POLR3C: variants seen among roughly 807,000 people sequenced by gnomAD.
POLR3C encodes RNA polymerase III subunit C.
Under a neutral mutation model 65.9 loss-of-function variants are expected in POLR3C, and 44 were observed. The ratio of observed to expected loss-of-function variants is 0.67; its 90% CI spans 0.52 to 0.86. POLR3C has a LOEUF of 0.86. POLR3C is among the 40% of genes least tolerant of loss of function. The pLI is 0.00. For missense variants in POLR3C, 576 were observed against 653.2 expected, an observed-to-expected ratio of 0.88 and a Z score of 1.29; for synonymous variants, 263 against 231.6, an observed-to-expected ratio of 1.14 and a Z score of -1.23.
chr1:145,833,337 G>T lies in POLR3C; in HGVS notation c.756G>T (p.Val252=). Residue 252 remains valine, a synonymous_variant, in exon 6 of 15, where the codon GTG becomes GTT. Coordinates refer to ENST00000334163, the MANE Select transcript of POLR3C (RefSeq NM_006468.8). ...AACACTTCCGTGACCAAGCCATTGTGAGCGCAGTTGCTAACAGGATGGACC... is the reference window on the plus strand; with the variant it reads ...AACACTTCCGTGACCAAGCCATTGTTAGCGCAGTTGCTAACAGGATGGACC... ...FHQHFRDQAI[V]SAVANRMDQT... 5 of 1,612,904 alleles carry T rather than the reference G, an allele frequency of 3.1e-6. No individual in the cohort carries two copies. The highest frequency in any genetic ancestry group is 4.2e-6 in the Non-Finnish European group (5 of 1,178,944).
At chr1:145,824,391 A>G (rs1650516459) in intron 1 of POLR3C, 22 bp downstream of exon 1, 19 of 445,648 alleles carry the variant, frequency 4.3e-5, no homozygotes, top group South Asian at 3.2e-4. Context: ...ATGCTGTCTG[A>G]ACGTGGCGGC....
chr1:145,842,982 T>A lies in POLR3C; in HGVS notation c.*562T>A, dbSNP rs1395315415. ...CATGCACCACACATACCCAGCTATT[T>A]TTTATTTATTTATTTATTTTTTTGT... On this transcript the variant is annotated 3_prime_UTR_variant, in exon 15 of 15. Coordinates refer to ENST00000334163, the MANE Select transcript of POLR3C (RefSeq NM_006468.8). Among the ~76,000 whole-genome samples the A allele has an allele frequency of 3.3e-5, 5 of 152,166 alleles. No individual in the cohort carries two copies. The highest frequency in any genetic ancestry group is 3.9e-4 in the East Asian group (2 of 5,182).
At chr1:145,836,610 G>T in intron 8 of POLR3C, 36 bp downstream of exon 8, 1 of 1,280,042 alleles carries the variant, frequency 7.8e-7, no homozygotes, top group Non-Finnish European at 1.1e-6. Context: ...TTTTTCTTTA[G>T]CCTGTACTGT....
At chr1:145,839,515 C>T (rs889351928) in intron 11 of POLR3C, 2 of 171,206 alleles carry the variant, frequency 1.2e-5, no homozygotes, top group Admixed American at 5.9e-5. Flanking sequence ...CACTTGAGCC[C>T]AGGAATTCAA....
In POLR3C at chr1:145,843,421, T is replaced by C. The variant is rs1441698405; in HGVS notation, c.*1001T>C. Among the ~76,000 whole-genome samples, 2 of 152,350 alleles carry C rather than the reference T, an allele frequency of 1.3e-5. No individual in the cohort carries two copies. The highest frequency in any genetic ancestry group is 1.3e-4 in the Admixed American group (2 of 15,300). On this transcript the variant is annotated 3_prime_UTR_variant, in exon 15 of 15. Coordinates refer to ENST00000334163, the MANE Select transcript of POLR3C (RefSeq NM_006468.8). ...TTTCTCTCACCAATGTGTTTTCTAA[T>C]TGTTTAAACACTTGAGTGTCAAACA...
At chr1:145,831,869 G>A (rs990128029) in intron 5 of POLR3C, among the ~76,000 whole-genome samples, 3 of 152,162 alleles carry the variant, frequency 2.0e-5, no homozygotes, top group South Asian at 2.1e-4. Flanking sequence ...TGGTGAGACC[G>A]TCTCTACAGA....
At chr1:145,828,305 G>C (rs983654237) in intron 4 of POLR3C, among the ~76,000 whole-genome samples, 49 of 152,162 alleles carry the variant, frequency 3.2e-4, no homozygotes, top group Non-Finnish European at 7.3e-5. Context: ...TATGCTAAGA[G>C]CAAAGGAAGA....
intron 4 of POLR3C, among the ~76,000 whole-genome samples, chr1:145,828,368 A>AT (rs1392887500): frequency 1.3e-5 from 2 of 152,130 alleles, no homozygotes; most frequent in Non-Finnish European, 2.9e-5. Flanking sequence ...CTTTCAAAAG[A>AT]TTTTTTGTCT....
chr1:145,828,152 G>A (rs1479823912), intron 4 of POLR3C, among the ~76,000 whole-genome samples: 1 of 152,158 alleles, frequency 6.6e-6, no homozygotes, highest in Non-Finnish European at 1.5e-5. Flanking sequence ...TGTAAGCAAA[G>A]CAAGAGAGGC....
Position 145,844,206 on chromosome 1 carries a change from C to T in POLR3C, c.*1786C>T, listed in dbSNP as rs1283852685. On this transcript the variant is annotated 3_prime_UTR_variant, in exon 15 of 15. Coordinates refer to ENST00000334163, the MANE Select transcript of POLR3C (RefSeq NM_006468.8). ...AGAAATCAATGTATCAAAAAGATAC[C>T]TGCACTCCCATGTTTATTGCAGCAG... is the stretch of plus-strand genomic sequence containing the variant. 5.9e-5 allele frequency among the ~76,000 whole-genome samples: 9 copies of T among 152,150 alleles called. No individual in the cohort carries two copies. The highest frequency in any genetic ancestry group is 1.2e-4 in the Non-Finnish European group (8 of 68,032).
At chr1:145,840,239 T>C in intron 13 of POLR3C, 74 bp downstream of exon 13, 1 of 931,758 alleles carries the variant, frequency 1.1e-6, no homozygotes, top group Admixed American at 1.8e-5. Context: ...CCTCTAGAAA[T>C]AGGAATCAAT....
Position 145,838,108 on chromosome 1 carries a change from A to AT in POLR3C, c.1124dup (p.Glu376ArgfsTer22), listed in dbSNP as rs1553729315. 1.2e-6 allele frequency: 2 copies of AT among 1,613,888 alleles called. No individual in the cohort carries two copies. Among genetic ancestry groups the AT allele is most frequent in the Admixed American group, 3.3e-5 (2 of 60,030 alleles). On this transcript the variant is annotated frameshift_variant, in exon 11 of 15. Transcript: ENST00000334163. LOFTEE classifies it high-confidence loss of function. ...CCGTCTAGTTTTGCAGAAGAAACAC[A>AT]TAGAGCAGAAGCAAGTGGAAGACTT... is the stretch of plus-strand genomic sequence containing the variant.
chr1:145,827,256 C>T (rs1218114380), intron 4 of POLR3C, among the ~76,000 whole-genome samples: 1 of 152,126 alleles, frequency 6.6e-6, no homozygotes, highest in African/African-American at 2.4e-5. Context: ...TATGAAGGAA[C>T]TGTCATAGTA....
At chr1:145,839,042 G>A (rs1350244874) in intron 11 of POLR3C, among the ~76,000 whole-genome samples, 2 of 152,082 alleles carry the variant, frequency 1.3e-5, no homozygotes, top group Admixed American at 6.5e-5. Flanking sequence ...AGGCCTAGGC[G>A]GACGGATCAC....
At chr1:145,832,643 G>C (rs1424146445) in intron 5 of POLR3C, among the ~76,000 whole-genome samples, 2 of 152,194 alleles carry the variant, frequency 1.3e-5, no homozygotes, top group African/African-American at 2.4e-5. Flanking sequence ...TATTTTCTCT[G>C]TGAAATGAGA....
intron 5 of POLR3C, among the ~76,000 whole-genome samples, chr1:145,829,188 G>A (rs150409853): frequency 3.9e-5 from 6 of 152,274 alleles, no homozygotes; most frequent in East Asian, 1.9e-4. Flanking sequence ...CCTTCTTAGC[G>A]TACCTATAAA....
intron 4 of POLR3C, among the ~76,000 whole-genome samples, chr1:145,827,744 G>A (rs1259540224): frequency 3.6e-5 from 5 of 138,736 alleles, no homozygotes; most frequent in African/African-American, 1.4e-4. Context: ...GGGCAACAGA[G>A]CCAGACTCCG....
At chr1:145,836,924 T>C in intron 9 of POLR3C, 58 bp downstream of exon 9, 1 of 834,976 alleles carries the variant, frequency 1.2e-6, no homozygotes, top group Non-Finnish European at 2.0e-6. Flanking sequence ...ATCAGAATGG[T>C]GCCTTAGGAA....
intron 9 of POLR3C, 80 bp from the exon 10 acceptor site, chr1:145,837,456 A>G (rs782552140): frequency 2.0e-5 from 14 of 688,036 alleles, no homozygotes; most frequent in African/African-American, 7.6e-5. Context: ...TTAATTATAA[A>G]TTAGAAACTT....
Sources: allele counts gnomAD v4.1 joint callset (sites outside exome capture counted in the v4.1 genomes callset), GRCh38; gene constraint gnomAD v4.1.1; transcripts MANE v1.5; gene names NCBI Gene and HGNC (gene_info 2026-07-23, HGNC 2026-07-21).